The following CDC27 variants were observed in gnomAD, a reference collection of about 807,000 sequenced individuals.
CDC27 encodes the protein cell division cycle 27.
A neutral mutation model predicts 109.7 loss-of-function variants in CDC27; 27 were observed. The ratio of observed to expected loss-of-function variants is 0.25; its 90% CI spans 0.18 to 0.34. The LOEUF (loss-of-function observed/expected upper bound fraction) is 0.34. Among genes scored for constraint, CDC27 ranks in the 10% least tolerant of loss-of-function variants. CDC27 has a pLI of 1.00. For missense variants in CDC27, 579 were observed against 960.2 expected, an observed-to-expected ratio of 0.60 and a Z score of 5.25; for synonymous variants, 266 against 333.9, an observed-to-expected ratio of 0.80 and a Z score of 2.22.
At chr17:47,149,509 TAAAAAAAAA>T (rs34375130) in intron 9 of CDC27, among the ~76,000 whole-genome samples, 1 of 112,178 alleles carries the variant, frequency 8.9e-6, no homozygotes, top group African/African-American at 3.4e-5. Context: ...GACTCTGTCT[TAAAAAAAAA>T]AAAAAAAAAA....
At chr17:47,177,564 T>C (rs1029348945) in intron 2 of CDC27, among the ~76,000 whole-genome samples, 5 of 152,304 alleles carry the variant, frequency 3.3e-5, no homozygotes, top group African/African-American at 4.8e-5. Flanking sequence ...GGAGACCCTA[T>C]CTGAAACAAA....
chr17:47,177,444 G>A (rs1469228591), intron 2 of CDC27, among the ~76,000 whole-genome samples: 7 of 152,140 alleles, frequency 4.6e-5, no homozygotes, highest in Admixed American at 2.0e-4. Flanking sequence ...GGGCGTGGCC[G>A]CAGGCGCTTA....
At chr17:47,144,451 A>G (rs1349572374) in intron 9 of CDC27, among the ~76,000 whole-genome samples, 1 of 152,238 alleles carries the variant, frequency 6.6e-6, no homozygotes, top group Non-Finnish European at 1.5e-5. Context: ...AAGTTAGAGA[A>G]AAAAGAAAAG....
intron 14 of CDC27, among the ~76,000 whole-genome samples, chr17:47,133,008 T>TATATATATATATATAC (rs1568373689): frequency 1.5e-4 from 6 of 40,380 alleles, no homozygotes; most frequent in Non-Finnish European, 2.5e-4. Flanking sequence ...TATATATATA[T>TATATATATATATATAC]ATATATATAT....
intron 2 of CDC27, among the ~76,000 whole-genome samples, chr17:47,176,853 C>G (rs560963947): frequency 6.6e-6 from 1 of 152,134 alleles, no homozygotes; most frequent in Non-Finnish European, 1.5e-5. Context: ...ATACATTATT[C>G]CACATCTTTA....
chr17:47,119,842 G>A lies in CDC27; in HGVS notation c.*1093C>T, dbSNP rs1481870575. On this transcript the variant is annotated 3_prime_UTR_variant, in exon 19 of 19. Transcript: ENST00000066544. Reference sequence around the variant, plus strand: ...AACATCCTAAACCCAATTACTCTTAGTAAATGTTTTGGTGACTCACACTAC... The same window carrying A: ...AACATCCTAAACCCAATTACTCTTAATAAATGTTTTGGTGACTCACACTAC... 6.6e-6 allele frequency: 1 copy of A among 152,052 alleles called. No individual in the cohort carries two copies. The highest frequency in any genetic ancestry group is 1.5e-5 in the Non-Finnish European group (1 of 68,020). 9.4% of individuals were successfully genotyped at this position (152,052 alleles called of 1,614,324 possible).
intron 16 of CDC27, among the ~76,000 whole-genome samples, chr17:47,124,178 A>AACACACAC (rs59790354): frequency 0.16 from 23,798 of 144,308 alleles, 1,999 homozygotes; most frequent in South Asian, 0.21. Flanking sequence ...GTACACTGAA[A>AACACACAC]ACACACACAC....
intron 5 of CDC27, among the ~76,000 whole-genome samples, chr17:47,157,712 T>C (rs1388694647): frequency 6.6e-6 from 1 of 152,202 alleles, no homozygotes; most frequent in Non-Finnish European, 1.5e-5. Context: ...GAGATGAGGT[T>C]GAAGAGTTAA....
chr17:47,121,572 A>G (rs2061983319), intron 18 of CDC27, among the ~76,000 whole-genome samples: 1 of 152,080 alleles, frequency 6.6e-6, no homozygotes, highest in African/African-American at 2.4e-5. Context: ...CCTCCCAAGT[A>G]GCTGGGACTA....
intron 9 of CDC27, among the ~76,000 whole-genome samples, chr17:47,144,441 A>C (rs1322645642): frequency 1.3e-5 from 2 of 152,216 alleles, no homozygotes; most frequent in Non-Finnish European, 2.9e-5. Flanking sequence ...CAACTACAAC[A>C]AGTTAGAGAA....
intron 14 of CDC27, among the ~76,000 whole-genome samples, chr17:47,133,602 G>C (rs1395250763): frequency 6.6e-6 from 1 of 151,144 alleles, no homozygotes; most frequent in Non-Finnish European, 1.5e-5. Flanking sequence ...ACCACACCCA[G>C]CTAATTTTGT....
At chr17:47,123,582 T>C (rs911423749) in intron 17 of CDC27, among the ~76,000 whole-genome samples, 8 of 152,016 alleles carry the variant, frequency 5.3e-5, no homozygotes, top group East Asian at 1.9e-4. Flanking sequence ...AGCTAATTTT[T>C]TGTATTTTTA....
intron 8 of CDC27, 31 bp downstream of exon 8, chr17:47,154,641 A>G: frequency 8.6e-7 from 1 of 1,169,108 alleles, no homozygotes; most frequent in Non-Finnish European, 1.3e-6. Context: ...GCTTTAATCA[A>G]TTCCCAAACT....
At chr17:47,136,912 A>T (rs2062619924) in intron 14 of CDC27, among the ~76,000 whole-genome samples, 1 of 152,256 alleles carries the variant, frequency 6.6e-6, no homozygotes, top group South Asian at 2.1e-4. Context: ...AAAGTTTGGT[A>T]GAAGGCTGAA....
chr17:47,172,851 G>GA (rs908658009), intron 2 of CDC27, among the ~76,000 whole-genome samples: 4 of 152,152 alleles, frequency 2.6e-5, no homozygotes, highest in Non-Finnish European at 4.4e-5. Context: ...GAAAGAGAGG[G>GA]AAAACCACAA....
In CDC27 at chr17:47,120,900, C is replaced by A. The variant is rs1176633786; in HGVS notation, c.*35G>T. 2.0e-6 allele frequency: 3 copies of A among 1,470,712 alleles called. No homozygotes were observed. The highest frequency in any genetic ancestry group is 3.4e-5 in the Admixed American group (2 of 58,952). 91.1% of individuals were successfully genotyped at this position (1,470,712 alleles called of 1,614,324 possible). A position where few individuals can be genotyped will look rare whatever the true frequency, so the allele number is the denominator to read the frequency against. ...GGACAAGAAACACGTCAGCACTAGT[C>A]ACACATCCAGTTGTAAAAGTCTGAT... On this transcript the variant is annotated 3_prime_UTR_variant, in exon 19 of 19. Transcript: ENST00000066544.
intron 8 of CDC27, among the ~76,000 whole-genome samples, chr17:47,154,057 C>G (rs1187631589): frequency 1.3e-5 from 2 of 150,440 alleles, no homozygotes; most frequent in African/African-American, 4.9e-5. Context: ...CCACTGCACT[C>G]CAGCCTGGGC....
intron 2 of CDC27, among the ~76,000 whole-genome samples, chr17:47,181,079 C>T (rs1486557102): frequency 6.1e-5 from 9 of 147,020 alleles, no homozygotes; most frequent in Admixed American, 5.5e-4. Flanking sequence ...TAGCAAAACC[C>T]TATCTCTACC....
intron 2 of CDC27, among the ~76,000 whole-genome samples, chr17:47,172,386 T>A (rs939585806): frequency 6.6e-6 from 1 of 151,960 alleles, no homozygotes; most frequent in Non-Finnish European, 1.5e-5. Context: ...CAGTAAAGGA[T>A]CTTGTTTTTA....
Sources: gnomAD v4.1 joint callset for allele counts (sites outside exome capture counted in the v4.1 genomes callset) on GRCh38, gnomAD v4.1.1 for gene constraint, MANE v1.5 for transcripts, NCBI Gene and HGNC (gene_info 2026-07-23, HGNC 2026-07-21) for gene names.